The following ITIH6 variants were observed in gnomAD, a reference collection of about 807,000 sequenced individuals.
ITIH6 encodes the protein inter-alpha-trypsin inhibitor heavy chain family member 6.
A neutral mutation model predicts 58.2 loss-of-function variants in ITIH6; 60 were observed. That is an observed-to-expected ratio of 1.03 (90% CI 0.84 to 1.28). The LOEUF (loss-of-function observed/expected upper bound fraction) is 1.28. Among genes scored for constraint, ITIH6 ranks in the 50% most tolerant of loss-of-function variants. The pLI, the probability that ITIH6 is intolerant of heterozygous loss-of-function variation, is 0.00. For missense variants in ITIH6, 1,290 were observed against 1,021.1 expected (o/e 1.26, Z -3.59); for synonymous variants, 493 against 417.4 (o/e 1.18, Z -2.21).
At chrX:54,794,497 G>C (rs1280155015) in intron 2 of ITIH6, among the ~76,000 whole-genome samples, 1 of 110,535 alleles carries the variant, frequency 9.0e-6, no homozygotes, top group Non-Finnish European at 1.9e-5. Context: ...AACATGCAAT[G>C]ATCTTGGTCC....
At position 54,757,901 on chromosome X, in the gene ITIH6, G is replaced by A; in HGVS notation, c.2173C>T (p.Pro725Ser). 2 of 1,211,588 alleles carry A rather than the reference G, an allele frequency of 1.7e-6. No individual in the cohort carries two copies. Among genetic ancestry groups the A allele is most frequent in the South Asian group, 1.8e-5 (1 of 56,979 alleles). Residue 725 changes from proline (P) to serine (S), a missense_variant, in exon 8 of 13, where the codon CCT becomes TCT. Coordinates refer to ENST00000218436, the MANE Select transcript of ITIH6 (RefSeq NM_198510.3). Reference protein sequence around the residue: ...TLAQPTLRTKPTILVPSNSGT... With the variant: ...TLAQPTLRTKSTILVPSNSGT... ...GAATTTGAGGGCACAAGAATGGTAG[G>A]TTTTGTCCTGAGAGTTGGCTGGGCC...
Position 54,757,562 on chromosome X carries a change from G to T in ITIH6, c.2512C>A (p.Pro838Thr). 8.3e-7 allele frequency: 1 copy of T among 1,210,530 alleles called. No homozygotes were observed. The highest frequency in any genetic ancestry group is 1.8e-5 in the South Asian group (1 of 56,909). ...AAGAGGATTCCAGGCCCCAGGTGTG[G>T]CATGTTGTTTCGGGTCTTGGGAGCA... ...VPAPKTRNNM[P>T]HLGPGILLSK... The change falls in exon 8 of 13, where the codon CCA becomes ACA. Residue 838 changes from proline to threonine, a missense_variant. Coordinates refer to ENST00000218436, the MANE Select transcript of ITIH6 (RefSeq NM_198510.3).
chrX:54,760,658 A>C, intron 6 of ITIH6, among the ~76,000 whole-genome samples: 1 of 110,874 alleles, frequency 9.0e-6, no homozygotes. Context: ...TCATTGTTCA[A>C]TTCCCACCTA....
At chrX:54,773,422 C>T (rs1400699822) in intron 6 of ITIH6, among the ~76,000 whole-genome samples, 1 of 111,234 alleles carries the variant, frequency 9.0e-6, no homozygotes, top group Middle Eastern at 4.2e-3. Flanking sequence ...GCCTTAGGTC[C>T]CAAAGGCTCT....
At chrX:54,753,995 A>G (rs1928432740) in intron 9 of ITIH6, 30 bp from the exon 10 acceptor site, 1 of 1,188,913 alleles carries the variant, frequency 8.4e-7, no homozygotes, top group Admixed American at 2.2e-5. Context: ...TGTGTTGGGA[A>G]GGGACTAATG....
intron 8 of ITIH6, among the ~76,000 whole-genome samples, chrX:54,756,631 C>T (rs1301586213): frequency 1.8e-5 from 2 of 111,677 alleles, no homozygotes; most frequent in African/African-American, 6.5e-5. Context: ...TGCATTCCTC[C>T]CCTGCTTAGG....
chrX:54,785,785 T>C (rs767326033), intron 5 of ITIH6, among the ~76,000 whole-genome samples: 1 of 111,683 alleles, frequency 9.0e-6, no homozygotes, highest in African/African-American at 3.3e-5. Flanking sequence ...TGCTGGGGAC[T>C]GGGGCTCTGG....
In ITIH6 at chrX:54,750,091, G is replaced by T. The variant is rs765230446; in HGVS notation, c.3746C>A (p.Ala1249Glu). ...AGGTCCTGTCACCAGTCGGATGTCT[G>T]CGTGCTGGAACTGCCCTGAGGGAGA... is the stretch of plus-strand genomic sequence containing the variant. ...ARGLIGQFQH[A>E]DIRLVTGPMG... is the part of the protein sequence containing the mutation. Residue 1249 changes from alanine (A) to glutamate (E), a missense_variant, in exon 13 of 13, where the codon GCA becomes GAA. Transcript: ENST00000218436. 6.6e-6 allele frequency: 8 copies of T among 1,206,971 alleles called. No homozygotes were observed. Among genetic ancestry groups the T allele is most frequent in the Middle Eastern group, 2.5e-4 (1 of 3,996 alleles).
Position 54,753,722 on chromosome X carries a change from T to C in ITIH6, c.3281A>G (p.Glu1094Gly). The C allele has an allele frequency of 8.3e-7, 1 of 1,211,383 alleles. No homozygotes were observed. The highest frequency in any genetic ancestry group is 1.1e-6 in the Non-Finnish European group (1 of 895,255). ...PHFVIQIPHS[E>G]EKICFTLNGH... is the part of the protein sequence containing the mutation. The stretch of plus-strand genomic sequence containing the variant: ...ATTCAGTGTGAAGCAGATCTTCTCT[T>C]CTGAGTGTGGGATTTGGATCACAAA... The change falls in exon 11 of 13, where the codon GAA becomes GGA. Residue 1094 changes from glutamate (E) to glycine (G), a missense_variant. Physicochemically the swap from Glu to Gly is moderately conservative, Grantham distance 98. Coordinates refer to ENST00000218436, the MANE Select transcript of ITIH6 (RefSeq NM_198510.3).
Position 54,791,079 on chromosome X carries a change from C to A in ITIH6, c.374G>T (p.Arg125Leu). 1 of 1,210,316 alleles carries A rather than the reference C, an allele frequency of 8.3e-7. No homozygotes were observed. The highest frequency in any genetic ancestry group is 1.1e-6 in the Non-Finnish European group (1 of 894,757). ...KTAAHVGIRD[R>L]ESEKFRISTS... ...GGAGATGCGGAACTTCTCTGATTCC[C>A]GGTCCCTGGGCAGGAAAGGGAGGAT... is the stretch of plus-strand genomic sequence containing the variant. Residue 125 changes from arginine to leucine, a missense_variant, in exon 4 of 13, where the codon CGG becomes CTG. Coordinates refer to ENST00000218436, the MANE Select transcript of ITIH6 (RefSeq NM_198510.3).
At position 54,751,242 on chromosome X, in the gene ITIH6, A is replaced by G. The variant is rs770839359; in HGVS notation, c.3491T>C (p.Ile1164Thr). 81 of 1,211,868 alleles carry G rather than the reference A, an allele frequency of 6.7e-5. No individual in the cohort carries two copies. Among genetic ancestry groups the G allele is most frequent in the Non-Finnish European group, 9.0e-5 (81 of 895,509 alleles). The change falls in exon 12 of 13, where the codon ATA (isoleucine) becomes ACA (threonine). Residue 1164 changes from isoleucine (I) to threonine (T), a missense_variant. By Grantham distance (89) the Ile-to-Thr change is moderately conservative. Transcript: ENST00000218436. ...CAAGGTACCCTCGCCTCGCAAAGAT[A>G]TAGAACTGCGGCTGATGGTGATAGT... ...AYTITISRSS[I>T]SLRGEGTLRL...
intron 8 of ITIH6, among the ~76,000 whole-genome samples, chrX:54,756,050 G>C (rs1479820822): frequency 9.0e-6 from 1 of 111,059 alleles, no homozygotes; most frequent in Admixed American, 9.6e-5. Context: ...CACTTGGGGT[G>C]GTGGGAAGTG....
At chrX:54,786,248 A>G (rs780427547) in intron 5 of ITIH6, among the ~76,000 whole-genome samples, 1 of 111,312 alleles carries the variant, frequency 9.0e-6, no homozygotes, top group Non-Finnish European at 1.9e-5. Flanking sequence ...TCTGCTGGAT[A>G]CTTCTCCAGG....
intron 6 of ITIH6, 32 bp downstream of exon 6, chrX:54,774,049 G>A: frequency 2.2e-6 from 2 of 903,477 alleles, no homozygotes; most frequent in Non-Finnish European, 3.1e-6. Flanking sequence ...TCTGATACTA[G>A]GACTAAGAAA....
At chrX:54,753,510 C>T in intron 11 of ITIH6, 141 bp downstream of exon 11, 2 of 444,861 alleles carry the variant, frequency 4.5e-6, no homozygotes, top group Admixed American at 7.3e-5. Flanking sequence ...TTTTGTGTGT[C>T]TTGGTGTGTT....
rs377010166 is a variant in ITIH6, at chrX:54,755,056, T to C, written c.3163A>G (p.Ser1055Gly). The change falls in exon 9 of 13, where the codon AGC (serine) becomes GGC (glycine). Residue 1055 changes from serine (S) to glycine (G), a missense_variant. By Grantham distance (56) the Ser-to-Gly change is moderately conservative. Transcript: ENST00000218436. ...SEEILGGAGG[S>G]MESQGSSVGL... is the part of the protein sequence containing the mutation. ...ACAGAACTTCCTTGAGATTCCATGC[T>C]GCCTCCAGCTCCTCCCAGGATCTCC... 62 of 1,209,797 alleles carry C rather than the reference T, an allele frequency of 5.1e-5. No individual in the cohort carries two copies. The highest frequency in any genetic ancestry group is 6.5e-5 in the Non-Finnish European group (58 of 894,756).
chrX:54,771,334 T>C (rs1325866664), intron 6 of ITIH6, among the ~76,000 whole-genome samples: 4 of 112,267 alleles, frequency 3.6e-5, no homozygotes, highest in Middle Eastern at 9.2e-3. Flanking sequence ...TGTAACACTT[T>C]TAAAATTGTT....
chrX:54,758,932 C>A lies in ITIH6; in HGVS notation c.1142G>T (p.Gly381Val), dbSNP rs1234182904. 2 of 1,202,808 alleles carry A rather than the reference C, an allele frequency of 1.7e-6. No homozygotes were observed. The change falls in exon 8 of 13, where the codon GGG becomes GTG. Residue 381 changes from glycine (G) to valine (V), a missense_variant. Transcript: ENST00000218436. ...SVLNHSNQEPGRGPSVGRIPL... is the reference protein window; with the variant it reads ...SVLNHSNQEPVRGPSVGRIPL... ...GATCCTCCCCACACTGGGGCCCCTC[C>A]CAGGCTCCTGGTTGCTATGGTTCAG...
intron 6 of ITIH6, among the ~76,000 whole-genome samples, chrX:54,772,449 T>C (rs752181276): frequency 1.8e-5 from 2 of 112,237 alleles, no homozygotes; most frequent in South Asian, 3.7e-4. Context: ...AAACCTGCAA[T>C]ACTAAATTTA....
Sources: gnomAD v4.1 joint callset for allele counts (sites outside exome capture counted in the v4.1 genomes callset) on GRCh38, gnomAD v4.1.1 for gene constraint, MANE v1.5 for transcripts, NCBI Gene and HGNC (gene_info 2026-07-23, HGNC 2026-07-21) for gene names.